LEUTX: variants seen among roughly 807,000 people sequenced by gnomAD.
LEUTX encodes the protein leucine twenty homeobox.
A neutral mutation model predicts 4.5 loss-of-function variants in LEUTX; 5 were observed. That is an observed-to-expected ratio of 1.11 (90% confidence interval 0.58 to 2.34). LEUTX has a LOEUF of 2.34. Ranked by LOEUF, LEUTX falls within the 30% of genes most tolerant of loss-of-function variation. LEUTX has a pLI of 0.01. For synonymous variants in LEUTX, 89 were observed against 85.1 expected (o/e 1.05, Z -0.25); for missense variants, 233 against 239.4 (o/e 0.97, Z 0.18).
chr19:39,777,866 C>CT (rs1476247556), upstream of LEUTX, among the ~76,000 whole-genome samples: 1 of 152,154 alleles, frequency 6.6e-6, no homozygotes, highest in Admixed American at 6.5e-5. Context: ...TTCAGGCTAC[C>CT]TGCAATGTTC....
chr19:39,781,116 C>T (rs1429531784), intron 1 of LEUTX, among the ~76,000 whole-genome samples: 1 of 152,078 alleles, frequency 6.6e-6, no homozygotes, highest in African/African-American at 2.4e-5. Context: ...CTCTCCCTCT[C>T]TCCCTTTCTT....
Position 39,785,812 on chromosome 19 carries a change from C to A in LEUTX, c.274C>A (p.Pro92Thr), listed in dbSNP as rs529686425. 3.2e-6 allele frequency: 5 copies of A among 1,551,748 alleles called. No individual in the cohort carries two copies. In the East Asian group the frequency reaches 9.8e-5, roughly 30 times the overall value. The change falls in exon 3 of 3, where the codon CCC (proline) becomes ACC (threonine). Residue 92 changes from proline (P) to threonine (T), a missense_variant. Physicochemically the swap from Pro to Thr is conservative, Grantham distance 38. Coordinates refer to ENST00000638280, the MANE Select transcript of LEUTX (RefSeq NM_001382345.1). ...AACTTCAGTGAAGAAGGAGGAGACT[C>A]CCTCAGCCATAACTACTGCAAACAT... ...QTTSVKKEET[P>T]SAITTANIRP...
chr19:39,778,557 G>A (rs139139851), upstream of LEUTX, among the ~76,000 whole-genome samples: 123 of 150,482 alleles, frequency 8.2e-4, no homozygotes, highest in Middle Eastern at 3.6e-3. Flanking sequence ...TCAGCGCCTT[G>A]TTTATTTACT....
upstream of LEUTX, among the ~76,000 whole-genome samples, chr19:39,778,208 G>A (rs1302471837): frequency 2.6e-5 from 4 of 152,216 alleles, no homozygotes; most frequent in Non-Finnish European, 5.9e-5. Flanking sequence ...GGGATGCTCA[G>A]AGGAAAGAAA....
chr19:39,781,137 T>C (rs1967880294), intron 1 of LEUTX, among the ~76,000 whole-genome samples: 1 of 152,136 alleles, frequency 6.6e-6, no homozygotes, highest in South Asian at 2.1e-4. Context: ...GCTGTCCCCT[T>C]CCTGTTTGAG....
chr19:39,782,024 A>G (rs1162078721), intron 1 of LEUTX, among the ~76,000 whole-genome samples: 4 of 152,240 alleles, frequency 2.6e-5, no homozygotes, highest in Admixed American at 1.3e-4. Context: ...ACTAAGCTTC[A>G]TATCTCCTTC....
At chr19:39,781,788 T>C (rs1967890610) in intron 1 of LEUTX, among the ~76,000 whole-genome samples, 1 of 152,200 alleles carries the variant, frequency 6.6e-6, no homozygotes, top group South Asian at 2.1e-4. Context: ...TCTTTTCTAA[T>C]TTACCCAGTT....
chr19:39,783,446 T>C (rs1341655229), intron 1 of LEUTX, among the ~76,000 whole-genome samples: 1 of 151,314 alleles, frequency 6.6e-6, no homozygotes, highest in East Asian at 1.9e-4. Context: ...CAATTGCGAA[T>C]TGTACTGCTA....
At chr19:39,781,538 G>A (rs1401997904) in intron 1 of LEUTX, among the ~76,000 whole-genome samples, 1 of 152,164 alleles carries the variant, frequency 6.6e-6, no homozygotes, top group Non-Finnish European at 1.5e-5. Flanking sequence ...CCTCTGAATG[G>A]CTTAGTGCCA....
At chr19:39,781,228 G>A (rs73546633) in intron 1 of LEUTX, among the ~76,000 whole-genome samples, 7,280 of 152,068 alleles carry the variant, frequency 0.048, 614 homozygotes, top group African/African-American at 0.17. Context: ...AAACCCATGT[G>A]CCCGATCACT....
intron 1 of LEUTX, among the ~76,000 whole-genome samples, chr19:39,781,999 A>G (rs764683056): frequency 6.6e-6 from 1 of 152,118 alleles, no homozygotes; most frequent in South Asian, 2.1e-4. Flanking sequence ...GAGAATCGAC[A>G]TTCATTCTTA....
chr19:39,781,334 T>C (rs1967883597), intron 1 of LEUTX, among the ~76,000 whole-genome samples: 2 of 152,210 alleles, frequency 1.3e-5, no homozygotes, highest in South Asian at 4.1e-4. Context: ...GAAACTTTCC[T>C]ATAAAATAGA....
Position 39,785,782 on chromosome 19 carries a change from C to G in LEUTX, c.244C>G (p.Gln82Glu). ...QTRPSLGPAN[Q>E]TTSVKKEETP... Reference sequence around the variant, plus strand: ...ACGGCCATCACTAGGGCCAGCAAACCAGACAACTTCAGTGAAGAAGGAGGA... The same window carrying G: ...ACGGCCATCACTAGGGCCAGCAAACGAGACAACTTCAGTGAAGAAGGAGGA... Residue 82 changes from glutamine to glutamate, a missense_variant, in exon 3 of 3, where the codon CAG becomes GAG. Transcript: ENST00000638280. The G allele has an allele frequency of 6.4e-7, 1 of 1,551,744 alleles. No individual in the cohort carries two copies. The highest frequency in any genetic ancestry group is 8.7e-7 in the Non-Finnish European group (1 of 1,147,000).
chr19:39,783,166 T>A (rs2144957920), intron 1 of LEUTX, among the ~76,000 whole-genome samples: 1 of 151,092 alleles, frequency 6.6e-6, no homozygotes, highest in African/African-American at 2.4e-5. Context: ...TCACTTAGAA[T>A]AATGGTCTCC....
At chr19:39,776,915 C>G (rs1455442768), upstream of LEUTX, among the ~76,000 whole-genome samples, 2 of 152,164 alleles carry the variant, frequency 1.3e-5, no homozygotes, top group African/African-American at 2.4e-5. Flanking sequence ...ACTGAGTGTT[C>G]TGTGTCTCCC....
chr19:39,783,378 CA>C (rs1967917007), intron 1 of LEUTX, among the ~76,000 whole-genome samples: 1 of 147,794 alleles, frequency 6.8e-6, no homozygotes, highest in South Asian at 2.1e-4. Context: ...CACACACACA[CA>C]CACACCACAG....
At chr19:39,782,807 TC>T (rs1967905836) in intron 1 of LEUTX, among the ~76,000 whole-genome samples, 1 of 152,192 alleles carries the variant, frequency 6.6e-6, no homozygotes, top group South Asian at 2.1e-4. Context: ...AGCTCTTGAT[TC>T]ACAGGTCAAG....
Position 39,786,064 on chromosome 19 carries a change from G to A in LEUTX, c.526G>A (p.Asp176Asn). ...VKIYDLPGED[D>N]TSSLNQYLFP... ...GATCTATGACTTGCCAGGGGAAGAT[G>A]ACACCAGCAGCCTAAATCAATATCT... The change falls in exon 3 of 3, where the codon GAC (aspartate) becomes AAC (asparagine). Residue 176 changes from aspartate (D) to asparagine (N), a missense_variant. Asp to Asn is a conservative substitution (Grantham distance 23). Coordinates refer to ENST00000638280, the MANE Select transcript of LEUTX (RefSeq NM_001382345.1). 1 of 1,551,326 alleles carries A rather than the reference G, an allele frequency of 6.4e-7. No homozygotes were observed. The highest frequency in any genetic ancestry group is 2.0e-5 in the Admixed American group (1 of 50,940).
rs149856296 is a variant in LEUTX, at chr19:39,784,777, T to A, written c.159+99T>A. On this transcript the variant is annotated intron_variant, in intron 2 of 2. Coordinates refer to ENST00000638280, the MANE Select transcript of LEUTX (RefSeq NM_001382345.1). ...ACAGTTCCTATTTATTGGCAATTGC[T>A]ATGTGTAAGGACAGATGTTAAGCAC... 3.8e-4 allele frequency: 327 copies of A among 858,024 alleles called. 4 individuals carry two copies. In the East Asian group the frequency reaches 8.6e-3, roughly 23 times the overall value. 53.2% of individuals were successfully genotyped at this position (858,024 alleles called of 1,614,324 possible).
Sources: allele counts gnomAD v4.1 joint callset (sites outside exome capture counted in the v4.1 genomes callset), GRCh38; gene constraint gnomAD v4.1.1; transcripts MANE v1.5; gene names NCBI Gene and HGNC (gene_info 2026-07-23, HGNC 2026-07-21).